The following DOCK3 variants were observed in gnomAD, a reference collection of about 807,000 sequenced individuals.
DOCK3 encodes the protein dedicator of cytokinesis protein 3.
DOCK3 carries 60 observed loss-of-function variants against 265.6 expected under a neutral mutation model. That is an observed-to-expected ratio of 0.23 (90% CI 0.18 to 0.28). The LOEUF is 0.28. Ranked by LOEUF, DOCK3 falls within the 10% of genes least tolerant of loss-of-function variation. DOCK3 has a pLI of 1.00. For synonymous variants in DOCK3, 881 were observed against 938.0 expected (o/e 0.94, Z 1.11); for missense variants, 1,981 against 2,594.3 (o/e 0.76, Z 5.14).
chr3:50,954,543 A>G (rs920849826), intron 5 of DOCK3, among the ~76,000 whole-genome samples: 1 of 152,150 alleles, frequency 6.6e-6, no homozygotes, highest in Admixed American at 6.6e-5. Context: ...TATATTATTT[A>G]TATAAAGTAC....
intron 1 of DOCK3, among the ~76,000 whole-genome samples, chr3:50,699,876 GAATAC>G (rs1213263162): frequency 1.3e-5 from 2 of 151,840 alleles, no homozygotes; most frequent in Non-Finnish European, 2.9e-5. Context: ...CATATTTTTG[GAATAC>G]ATGTGATATT....
intron 40 of DOCK3, among the ~76,000 whole-genome samples, chr3:51,351,095 C>G (rs2085944187): frequency 6.6e-6 from 1 of 152,172 alleles, no homozygotes; most frequent in Non-Finnish European, 1.5e-5. Flanking sequence ...CTTATTTATT[C>G]AGCACAACTC....
At chr3:50,866,352 G>T (rs1162140786) in intron 3 of DOCK3, among the ~76,000 whole-genome samples, 1 of 152,108 alleles carries the variant, frequency 6.6e-6, no homozygotes, top group Non-Finnish European at 1.5e-5. Context: ...GGGCGTGGTG[G>T]CATGTGCCTG....
intron 3 of DOCK3, among the ~76,000 whole-genome samples, chr3:50,850,509 C>G (rs1422669502): frequency 1.3e-5 from 2 of 152,034 alleles, no homozygotes; most frequent in Non-Finnish European, 2.9e-5. Flanking sequence ...TGGTTAGGGA[C>G]CATTGTTGGA....
chr3:50,995,112 A>G (rs547246719), intron 5 of DOCK3, among the ~76,000 whole-genome samples: 3 of 152,028 alleles, frequency 2.0e-5, no homozygotes, highest in African/African-American at 7.2e-5. Flanking sequence ...ATTTTAATAC[A>G]GTGTTTTTAT....
chr3:51,002,519 T>C (rs1328535177), intron 5 of DOCK3, among the ~76,000 whole-genome samples: 1 of 152,230 alleles, frequency 6.6e-6, no homozygotes, highest in Non-Finnish European at 1.5e-5. Context: ...TATCCACAGC[T>C]TATAAAGATT....
chr3:50,806,394 G>T (rs561838775), intron 2 of DOCK3, among the ~76,000 whole-genome samples: 1 of 152,104 alleles, frequency 6.6e-6, no homozygotes, highest in South Asian at 2.1e-4. Context: ...CTTATTGGGA[G>T]CATAGGACCT....
chr3:51,096,655 A>G (rs1343119329), intron 9 of DOCK3, among the ~76,000 whole-genome samples: 1 of 152,170 alleles, frequency 6.6e-6, no homozygotes, highest in Non-Finnish European at 1.5e-5. Context: ...CAATTCACCA[A>G]ACTCATTCTC....
chr3:51,223,602 C>T lies in DOCK3; in HGVS notation c.1253-2047C>T, dbSNP rs891410102. On this transcript the variant is annotated intron_variant, in intron 14 of 52. Coordinates refer to ENST00000266037, the MANE Select transcript of DOCK3 (RefSeq NM_004947.5). Reference sequence around the variant, plus strand: ...ATTCACCTTGTGCTATATCAGTCTACAAATTTAAGTATTACTTAAATTCCA... The same window carrying T: ...ATTCACCTTGTGCTATATCAGTCTATAAATTTAAGTATTACTTAAATTCCA... 3.9e-5 allele frequency among the ~76,000 whole-genome samples: 6 copies of T among 152,146 alleles called. No individual in the cohort carries two copies. In the South Asian group the frequency reaches 1.2e-3, roughly 32 times the overall value.
intron 4 of DOCK3, among the ~76,000 whole-genome samples, chr3:50,925,743 G>T (rs1205010475): frequency 3.3e-5 from 5 of 151,848 alleles, no homozygotes; most frequent in South Asian, 2.1e-4. Flanking sequence ...AGCTCTGATT[G>T]GTTGGGTGAG....
intron 3 of DOCK3, among the ~76,000 whole-genome samples, chr3:50,845,548 T>C (rs2046039914): frequency 1.3e-5 from 2 of 152,030 alleles, no homozygotes; most frequent in Admixed American, 1.3e-4. Context: ...GAGAGAGTGA[T>C]GGATGGTAAG....
chr3:50,961,219 G>A (rs2076876711), intron 5 of DOCK3, among the ~76,000 whole-genome samples: 1 of 152,094 alleles, frequency 6.6e-6, no homozygotes, highest in African/African-American at 2.4e-5. Flanking sequence ...GTAAGTTTTA[G>A]GATCAGCTTG....
intron 9 of DOCK3, among the ~76,000 whole-genome samples, chr3:51,135,043 A>G (rs1471569860): frequency 1.3e-5 from 2 of 152,190 alleles, no homozygotes; most frequent in African/African-American, 4.8e-5. Context: ...ACTACAGCAA[A>G]ATAATCAATA....
chr3:51,277,355 GA>G (rs1333771805), intron 25 of DOCK3, among the ~76,000 whole-genome samples: 1 of 152,164 alleles, frequency 6.6e-6, no homozygotes, highest in African/African-American at 2.4e-5. Context: ...ATCTGCTTGA[GA>G]TTCAAAGTTG....
chr3:51,323,349 A>G (rs2083870115), intron 32 of DOCK3, among the ~76,000 whole-genome samples: 1 of 152,194 alleles, frequency 6.6e-6, no homozygotes, highest in South Asian at 2.1e-4. Flanking sequence ...CTCGGAACCA[A>G]GTGGACCTAG....
chr3:51,020,873 C>A (rs1404067861), intron 5 of DOCK3, among the ~76,000 whole-genome samples: 1 of 151,682 alleles, frequency 6.6e-6, no homozygotes, highest in Non-Finnish European at 1.5e-5. Context: ...TTACTGTAGC[C>A]CTGTAGTATA....
chr3:51,250,309 AAAAACAAAAC>A (rs923493214), intron 22 of DOCK3, among the ~76,000 whole-genome samples: 26 of 151,764 alleles, frequency 1.7e-4, no homozygotes, highest in Admixed American at 1.0e-3. Flanking sequence ...ATAAAAAATA[AAAAACAAAAC>A]AAAACAAAAC....
At chr3:50,972,991 T>G (rs1160238938) in intron 5 of DOCK3, among the ~76,000 whole-genome samples, 35 of 137,508 alleles carry the variant, frequency 2.5e-4, no homozygotes, top group African/African-American at 8.3e-4. Context: ...CTGTAGGTTT[T>G]GGGGGAAGTA....
At chr3:51,278,139 A>C (rs1314296382) in intron 26 of DOCK3, 1 of 985,332 alleles carries the variant, frequency 1.0e-6, no homozygotes, top group Non-Finnish European at 1.2e-6. Context: ...GATGTACAGG[A>C]CAGAATAATT....
Sources: gnomAD v4.1 joint callset for allele counts (sites outside exome capture counted in the v4.1 genomes callset) on GRCh38, gnomAD v4.1.1 for gene constraint, MANE v1.5 for transcripts, NCBI Gene and HGNC (gene_info 2026-07-23, HGNC 2026-07-21) for gene names.